The following KCNQ1 variants were observed in gnomAD, a reference collection of about 807,000 sequenced individuals.
KCNQ1 encodes the protein potassium voltage-gated channel subfamily Q member 1, also known as potassium voltage-gated channel subfamily KQT member 1.
A neutral mutation model predicts 72.4 loss-of-function variants in KCNQ1; 49 were observed. That is an observed-to-expected ratio of 0.68 (90% CI 0.54 to 0.86). KCNQ1 has a LOEUF of 0.86. KCNQ1 is among the 40% of genes least tolerant of loss of function. The pLI is 0.00. For synonymous variants in KCNQ1, 450 were observed against 412.6 expected (o/e 1.09, Z -1.10); for missense variants, 790 against 945.1 (o/e 0.84, Z 2.15).
At chr11:2,461,553 C>T (rs928084121) in intron 1 of KCNQ1, 1 of 1,351,774 alleles carries the variant, frequency 7.4e-7, no homozygotes, top group Admixed American at 1.9e-5. Flanking sequence ...TGGTGCCGGG[C>T]CTGGATTTAC....
chr11:2,490,906 A>G (rs1009563920), intron 1 of KCNQ1, among the ~76,000 whole-genome samples: 2 of 152,104 alleles, frequency 1.3e-5, no homozygotes, highest in Non-Finnish European at 2.9e-5. Flanking sequence ...GGGTTTCTCC[A>G]TGTTGGTCAG....
intron 11 of KCNQ1, among the ~76,000 whole-genome samples, chr11:2,737,272 G>C (rs1414558765): frequency 1.3e-5 from 2 of 152,178 alleles, no homozygotes; most frequent in African/African-American, 2.4e-5. Flanking sequence ...GGTGCCGGTG[G>C]AGAGGGAGAG....
At chr11:2,519,767 G>T (rs1218812278) in intron 1 of KCNQ1, among the ~76,000 whole-genome samples, 8 of 78,072 alleles carry the variant, frequency 1.0e-4, no homozygotes, top group Admixed American at 9.7e-4. Flanking sequence ...AGTACAGCAG[G>T]TGTTGGCCCC....
chr11:2,468,029 T>C lies in KCNQ1; in HGVS notation c.386+22545T>C, dbSNP rs908908501. Among the ~76,000 whole-genome samples the C allele has an allele frequency of 4.6e-5, 7 of 152,342 alleles. No individual in the cohort carries two copies. The highest frequency in any genetic ancestry group is 3.9e-4 in the East Asian group (2 of 5,176). On this transcript the variant is annotated intron_variant, in intron 1 of 15. Coordinates refer to ENST00000155840, the MANE Select transcript of KCNQ1 (RefSeq NM_000218.3). This position sits in a 1 kb window ranked among gnomAD's most constrained non-coding sequence, Gnocchi z 5.7. ...CATTTCCTTTACCCCATCTGTAAAA[T>C]AGGGATAACAGCAGCTTCTTAAAGG...
chr11:2,585,141 C>A, intron 7 of KCNQ1, 71 bp from the exon 8 acceptor site: 1 of 1,371,968 alleles, frequency 7.3e-7, no homozygotes, highest in Non-Finnish European at 1.0e-6. Context: ...TGACCGGTAA[C>A]CACGTCCTGA....
chr11:2,712,723 A>C lies in KCNQ1; in HGVS notation c.1514+50642A>C, dbSNP rs537031160. Among the ~76,000 whole-genome samples the C allele has an allele frequency of 6.6e-6, 1 of 152,172 alleles. No individual in the cohort carries two copies. Among genetic ancestry groups the C allele is most frequent in the Non-Finnish European group, 1.5e-5 (1 of 68,026 alleles). On this transcript the variant is annotated intron_variant, in intron 11 of 15. Transcript: ENST00000155840. The surrounding 1 kb of genome is among the most constrained non-coding windows in gnomAD (Gnocchi z 6.4). ...CACTCCAGCCTCAGCCTTCCTTGCC[A>C]TCCGCAACCACACCAGTGGCTGGAA...
chr11:2,842,747 A>G (rs1264677768), intron 15 of KCNQ1, among the ~76,000 whole-genome samples: 1 of 152,188 alleles, frequency 6.6e-6, no homozygotes, highest in East Asian at 1.9e-4. Flanking sequence ...TACATGTGCA[A>G]CTGTACGTGC....
chr11:2,504,331 G>A (rs998166101), intron 1 of KCNQ1, among the ~76,000 whole-genome samples: 21 of 152,140 alleles, frequency 1.4e-4, no homozygotes, highest in Admixed American at 3.9e-4. Flanking sequence ...GGCTGGGAAG[G>A]GTAGTGGGGG....
In KCNQ1 at chr11:2,673,721, A is replaced by G; in HGVS notation, c.1514+11640A>G. 2.5e-6 allele frequency: 1 copy of G among 398,700 alleles called. No individual in the cohort carries two copies. The highest frequency in any genetic ancestry group is 4.4e-6 in the Non-Finnish European group (1 of 226,160). The allele number at this position is 398,700 out of a possible 1,614,324, so 24.7% of individuals were successfully genotyped here. ...GAGGTTGCTGAATCTCAGGGCTTGG[A>G]AGGCCCAGACTGGACAGGGGAAGGG... On this transcript the variant is annotated intron_variant, in intron 11 of 15. Coordinates refer to ENST00000155840, the MANE Select transcript of KCNQ1 (RefSeq NM_000218.3). This position sits in a 1 kb window ranked among gnomAD's most constrained non-coding sequence, Gnocchi z 4.5.
rs1849265750 is a variant in KCNQ1, at chr11:2,626,594, T to C, written c.1394-35367T>C. The C allele has an allele frequency of 1.0e-5, 4 of 398,580 alleles. No homozygotes were observed. Among genetic ancestry groups the C allele is most frequent in the Non-Finnish European group, 1.8e-5 (4 of 226,116 alleles). The allele number at this position is 398,580 out of a possible 1,614,324, so 24.7% of individuals were successfully genotyped here. A position where few individuals can be genotyped will look rare whatever the true frequency, so the allele number is the denominator to read the frequency against. On this transcript the variant is annotated intron_variant, in intron 10 of 15. Coordinates refer to ENST00000155840, the MANE Select transcript of KCNQ1 (RefSeq NM_000218.3). This position sits in a 1 kb window ranked among gnomAD's most constrained non-coding sequence, Gnocchi z 4.0. ...CCCACGCTGGAGTACAGTGGCATTA[T>C]CACTGCTTACTGCCACCTCAATCTC...
intron 10 of KCNQ1, among the ~76,000 whole-genome samples, chr11:2,606,946 A>C (rs1848891325): frequency 8.1e-6 from 1 of 123,662 alleles, no homozygotes; most frequent in Non-Finnish European, 1.6e-5. Flanking sequence ...TCTGTCACCC[A>C]GGCTGGAATG....
chr11:2,753,943 T>C (rs1319911528), intron 11 of KCNQ1, among the ~76,000 whole-genome samples: 1 of 152,208 alleles, frequency 6.6e-6, no homozygotes, highest in Non-Finnish European at 1.5e-5. Flanking sequence ...GTATCCAGAA[T>C]ATACAAAGAG....
intron 10 of KCNQ1, among the ~76,000 whole-genome samples, chr11:2,596,666 G>A (rs1030697079): frequency 6.6e-6 from 1 of 151,858 alleles, no homozygotes; most frequent in Non-Finnish European, 1.5e-5. Flanking sequence ...TGACAAACAA[G>A]TCAGTGGTTA....
intron 14 of KCNQ1, 93 bp from the exon 15 acceptor site, chr11:2,777,883 C>T (rs1421418974): frequency 9.5e-7 from 1 of 1,053,252 alleles, no homozygotes; most frequent in Non-Finnish European, 1.5e-6. Flanking sequence ...TCAGCTACCT[C>T]CCCCAGCCCT....
rs1848718774 is a variant in KCNQ1 at position 2,595,249 on chromosome 11, T to TG, written c.1393+6396dup. On this transcript the variant is annotated intron_variant, in intron 10 of 15. Transcript: ENST00000155840. This position sits in a 1 kb window ranked among gnomAD's most constrained non-coding sequence, Gnocchi z 5.0. ...TAGAAAATCTGATGAACATGCAAGA[T>TG]GACCACTATGACTAATATATGAGTT... Among the ~76,000 whole-genome samples, 1 of 152,222 alleles carries TG rather than the reference T, an allele frequency of 6.6e-6. No homozygotes were observed. Among genetic ancestry groups the TG allele is most frequent in the South Asian group, 2.1e-4 (1 of 4,836 alleles).
At chr11:2,584,120 CA>C (rs1206395612) in intron 7 of KCNQ1, among the ~76,000 whole-genome samples, 2 of 152,120 alleles carry the variant, frequency 1.3e-5, no homozygotes, top group African/African-American at 4.8e-5. Context: ...TGTGTGCGTG[CA>C]TACTGTGTAT....
chr11:2,685,920 GT>G, intron 11 of KCNQ1: 2 of 398,756 alleles, frequency 5.0e-6, no homozygotes, highest in Non-Finnish European at 8.8e-6. Context: ...GCCTGACCAA[GT>G]TCTGGGCCCA....
intron 8 of KCNQ1, 67 bp downstream of exon 8, chr11:2,585,374 C>G (rs1277060381): frequency 7.2e-7 from 1 of 1,386,506 alleles, no homozygotes; most frequent in African/African-American, 1.4e-5. Context: ...CCAGCCCTCA[C>G]GGCCACCTGT....
intron 15 of KCNQ1, among the ~76,000 whole-genome samples, chr11:2,791,179 C>G (rs1321200002): frequency 6.6e-6 from 1 of 152,248 alleles, no homozygotes; most frequent in African/African-American, 2.4e-5. Flanking sequence ...TGGGATAGGA[C>G]AGCAGGCGGC....
Sources: gnomAD v4.1 joint callset for allele counts (sites outside exome capture counted in the v4.1 genomes callset) on GRCh38, gnomAD v4.1.1 for gene constraint, Gnocchi (gnomAD v3.1) non-coding constraint, MANE v1.5 for transcripts, NCBI Gene and HGNC (gene_info 2026-07-23, HGNC 2026-07-21) for gene names.